Variants in MCM5 observed in about 807,000 individuals in gnomAD.
The protein encoded by MCM5 is minichromosome maintenance complex component 5, also known as DNA replication licensing factor MCM5.
In MCM5, 46 loss-of-function variants were observed where a neutral mutation model predicts 79.9. The ratio of observed to expected loss-of-function variants is 0.58; its 90% confidence interval spans 0.45 to 0.74. The LOEUF is 0.74. Ranked by LOEUF, MCM5 falls within the 30% of genes least tolerant of loss-of-function variation. MCM5 has a pLI of 0.00. For synonymous variants in MCM5, 404 were observed against 390.5 expected (o/e 1.03, Z -0.41); for missense variants, 883 against 1,017.0 (o/e 0.87, Z 1.79).
chr22:35,442,477 G>T, the MCM5 span, among the ~76,000 whole-genome samples: 1 of 152,186 alleles, frequency 6.6e-6, no homozygotes, highest in Non-Finnish European at 1.5e-5. Context: ...CCGGGCTACA[G>T]TCAAAGTATG....
the MCM5 span, among the ~76,000 whole-genome samples, chr22:35,435,476 C>G: frequency 6.6e-6 from 1 of 152,196 alleles, no homozygotes; most frequent in Admixed American, 6.5e-5. Context: ...GTGGTGGCCA[C>G]CGGGCCTTTC....
At position 35,400,618 on chromosome 22, in the gene MCM5, C is replaced by T. The variant is rs943649722; in HGVS notation, c.167+13C>T. 1.3e-6 allele frequency: 2 copies of T among 1,585,344 alleles called. No individual in the cohort carries two copies. Among genetic ancestry groups the T allele is most frequent in the South Asian group, 1.1e-5 (1 of 88,150 alleles). On this transcript the variant is annotated intron_variant, in intron 2 of 16. Transcript: ENST00000216122. ...CCTTCAAATACAGGTGCGGCTCCTG[C>T]GGGGCCGGGGGCTCGAGTTCCAGTG...
In MCM5 at chr22:35,406,515, C is replaced by T. The variant is rs754797304; in HGVS notation, c.424-38C>T. On this transcript the variant is annotated intron_variant, in intron 4 of 16. Coordinates refer to ENST00000216122, the MANE Select transcript of MCM5 (RefSeq NM_006739.4). ...GGCATATCTCAGATGCGTCCTGGCTCCCCTTAACCAACAAGCTTCCCGATG... is the reference window on the plus strand; with the variant it reads ...GGCATATCTCAGATGCGTCCTGGCTTCCCTTAACCAACAAGCTTCCCGATG... 12 of 1,591,030 alleles carry T rather than the reference C, an allele frequency of 7.5e-6. No homozygotes were observed. In the South Asian group the frequency reaches 9.1e-5, roughly 12 times the overall value.
Position 35,421,379 on chromosome 22 carries a change from G to C in MCM5, c.1894G>C (p.Ala632Pro). 1 of 1,614,032 alleles carries C rather than the reference G, an allele frequency of 6.2e-7. No homozygotes were observed. The highest frequency in any genetic ancestry group is 1.3e-5 in the African/African-American group (1 of 75,024). ...CAGCAAGATGAAGCTGCAGCCCTTCGCCACAGAGGCAGATGTGGAGGAGGC... is the reference window on the plus strand; with the variant it reads ...CAGCAAGATGAAGCTGCAGCCCTTCCCCACAGAGGCAGATGTGGAGGAGGC... ...ALSKMKLQPF[A>P]TEADVEEALR... is the part of the protein sequence containing the mutation. The change falls in exon 15 of 17, where the codon GCC becomes CCC. Residue 632 changes from alanine (A) to proline (P), a missense_variant. By Grantham distance (27) the Ala-to-Pro change is conservative. This residue lies in a region of MCM5 where 426 missense variants were observed against 482.3 expected (regional missense o/e 0.88). Transcript: ENST00000216122.
chr22:35,408,504 G>C lies in MCM5; in HGVS notation c.693G>C (p.Glu231Asp), dbSNP rs925775406. The change falls in exon 6 of 17, where the codon GAG becomes GAC. Residue 231 changes from glutamate to aspartate, a missense_variant. By Grantham distance (45) the Glu-to-Asp change is conservative (BLOSUM62 2). Transcript: ENST00000216122. ...CVDFQTLKLQ[E>D]LPDAVPHGEM... Reference sequence around the variant, plus strand: ...ACTTCCAGACCCTGAAGCTGCAGGAGCTGCCTGATGCAGTCCCCCACGGGG... The same window carrying C: ...ACTTCCAGACCCTGAAGCTGCAGGACCTGCCTGATGCAGTCCCCCACGGGG... The C allele has an allele frequency of 1.2e-6, 2 of 1,614,200 alleles. No individual in the cohort carries two copies. The highest frequency in any genetic ancestry group is 1.7e-6 in the Non-Finnish European group (2 of 1,180,024).
At chr22:35,438,729 AT>A in the MCM5 span, among the ~76,000 whole-genome samples, 1 of 144,656 alleles carries the variant, frequency 6.9e-6, no homozygotes, top group Non-Finnish European at 1.5e-5. Flanking sequence ...CCATCCATCC[AT>A]CCACATATTC....
chr22:35,418,983 C>T (rs1190245241), intron 13 of MCM5, among the ~76,000 whole-genome samples: 2 of 152,162 alleles, frequency 1.3e-5, no homozygotes, highest in Non-Finnish European at 2.9e-5. Context: ...TCGTACAGCG[C>T]TTTGGTGATC....
intron 10 of MCM5, 109 bp from the exon 11 acceptor site, chr22:35,416,230 C>T (rs1932535454): frequency 1.9e-5 from 22 of 1,137,110 alleles, no homozygotes; most frequent in Middle Eastern, 2.1e-4. Flanking sequence ...ATTGGCCTTG[C>T]GTGGAGCTGG....
At chr22:35,441,289 G>A in the MCM5 span, among the ~76,000 whole-genome samples, 1 of 152,210 alleles carries the variant, frequency 6.6e-6, no homozygotes, top group Non-Finnish European at 1.5e-5. Context: ...GATGTGTGCT[G>A]GTGGCCCTAG....
chr22:35,421,437 C>G lies in MCM5; in HGVS notation c.1952C>G (p.Ala651Gly). ...CTCTTCCAAGTGTCCACGTTGGATG[C>G]TGCCTTGTCCGGTACCCTGTCAGGT... ...LRLFQVSTLD[A>G]ALSGTLSGVE... Residue 651 changes from alanine (A) to glycine (G), a missense_variant, in exon 15 of 17, where the codon GCT becomes GGT. Physicochemically the swap from Ala to Gly is moderately conservative, Grantham distance 60. Transcript: ENST00000216122. The G allele has an allele frequency of 2.5e-6, 4 of 1,614,158 alleles. No homozygotes were observed. Among genetic ancestry groups the G allele is most frequent in the Non-Finnish European group, 3.4e-6 (4 of 1,180,040 alleles).
At chr22:35,434,894 G>A in the MCM5 span, among the ~76,000 whole-genome samples, 2 of 152,092 alleles carry the variant, frequency 1.3e-5, no homozygotes, top group African/African-American at 4.8e-5. Flanking sequence ...GCTCACGCCT[G>A]TAATCCCAGC....
the MCM5 span, among the ~76,000 whole-genome samples, chr22:35,432,668 G>A: frequency 3.3e-5 from 5 of 152,240 alleles, no homozygotes; most frequent in Admixed American, 6.5e-5. Flanking sequence ...CAGCCCCTTC[G>A]GCAACTCCAG....
intron 4 of MCM5, 82 bp from the exon 5 acceptor site, chr22:35,406,471 C>G (rs771025303): frequency 2.2e-6 from 3 of 1,357,696 alleles, no homozygotes; most frequent in Non-Finnish European, 3.1e-6. Context: ...CCTCCAGGCT[C>G]CTGCCCAGGA....
At chr22:35,416,895 C>A in intron 12 of MCM5, 81 bp downstream of exon 12, 1 of 1,511,600 alleles carries the variant, frequency 6.6e-7, no homozygotes, top group Non-Finnish European at 9.1e-7. Context: ...GAATGGAGAA[C>A]AAGGGCCTTG....
intron 13 of MCM5, among the ~76,000 whole-genome samples, chr22:35,418,746 T>C (rs1275825632): frequency 2.6e-5 from 4 of 152,110 alleles, no homozygotes; most frequent in Non-Finnish European, 5.9e-5. Context: ...TGCCAGGCAT[T>C]CTGAATTACT....
At chr22:35,446,553 G>A in the MCM5 span, among the ~76,000 whole-genome samples, 1 of 152,126 alleles carries the variant, frequency 6.6e-6, no homozygotes, top group Non-Finnish European at 1.5e-5. Context: ...TCACAGTCTC[G>A]TGGGCGAGGC....
At position 35,403,347 on chromosome 22, in the gene MCM5, C is replaced by T. The variant is rs940620331; in HGVS notation, c.294+14C>T. ...CACCTGCAGCTGGTGAGTGGGACCC[C>T]ATCCCTGAGCTTCCCAGGGCTGCTC... On this transcript the variant is annotated intron_variant, in intron 3 of 16. Coordinates refer to ENST00000216122, the MANE Select transcript of MCM5 (RefSeq NM_006739.4). The T allele has an allele frequency of 1.9e-6, 3 of 1,614,104 alleles. No individual in the cohort carries two copies. The highest frequency in any genetic ancestry group is 2.5e-6 in the Non-Finnish European group (3 of 1,179,990).
chr22:35,436,164 C>CAAAAAAAAAAA, the MCM5 span, among the ~76,000 whole-genome samples: 1 of 61,070 alleles, frequency 1.6e-5, no homozygotes, highest in Admixed American at 1.7e-4. Context: ...AACTCAGTCT[C>CAAAAAAAAAAA]AAAAAAAAAA....
At chr22:35,412,391 C>T in intron 7 of MCM5, 119 bp from the exon 8 acceptor site, 2 of 764,532 alleles carry the variant, frequency 2.6e-6, no homozygotes, top group Middle Eastern at 4.3e-4. Context: ...TTGTGCTGTC[C>T]TGGCCCTAAG....
Sources: gnomAD v4.1 joint callset for allele counts (sites outside exome capture counted in the v4.1 genomes callset) on GRCh38, gnomAD v4.1.1 for gene constraint, gnomAD v4.1.1 regional missense constraint, MANE v1.5 for transcripts, NCBI Gene and HGNC (gene_info 2026-07-23, HGNC 2026-07-21) for gene names.